MED4: variants seen among roughly 807,000 people sequenced by gnomAD.
MED4 encodes the protein mediator of RNA polymerase II transcription subunit 4.
MED4 carries 21 observed loss-of-function variants against 35.0 expected under a neutral mutation model. The observed-to-expected ratio is 0.60, with a 90% CI of 0.43 to 0.86. MED4 has a LOEUF of 0.86. Among genes scored for constraint, MED4 ranks in the 40% least tolerant of loss-of-function variants. MED4 has a pLI of 0.00. For synonymous variants in MED4, 138 were observed against 114.0 expected (o/e 1.21, Z -1.34); for missense variants, 300 against 319.4 (o/e 0.94, Z 0.46).
rs777478687 is a variant in MED4, at chr13:48,076,483, T to A, written c.*656A>T. 4 of 152,180 alleles carry A rather than the reference T, an allele frequency of 2.6e-5. No homozygotes were observed. Among genetic ancestry groups the A allele is most frequent in the Non-Finnish European group, 5.9e-5 (4 of 68,012 alleles). 9.4% of individuals were successfully genotyped at this position (152,180 alleles called of 1,614,324 possible). ...CCCTATTAATTGTAATAGGTTTCAA[T>A]TCAGTTAGTCACTCAAGTATTATAA... On this transcript the variant is annotated 3_prime_UTR_variant, in exon 7 of 7. Coordinates refer to ENST00000258648, the MANE Select transcript of MED4 (RefSeq NM_014166.4).
intron 4 of MED4, among the ~76,000 whole-genome samples, chr13:48,082,776 G>A (rs1051574618): frequency 1.8e-4 from 27 of 151,722 alleles, no homozygotes; most frequent in Admixed American, 1.5e-3. Flanking sequence ...GCAGTGCGCC[G>A]AGATCGCGCC....
At chr13:48,086,841 C>T (rs147212745) in intron 2 of MED4, among the ~76,000 whole-genome samples, 2 of 151,812 alleles carry the variant, frequency 1.3e-5, no homozygotes, top group East Asian at 1.9e-4. Context: ...CTTGAGGTCA[C>T]GAGTTCTAGA....
Position 48,077,152 on chromosome 13 carries a change from C to T in MED4, c.800G>A (p.Ser267Asn). ...IMSTDSSSSS[S>N]ESD ...TTTTAAGGTTTTTCAATCAGACTCA[C>T]TACTACTGCTTGAGGAGTCCGTTGA... The change falls in exon 7 of 7, where the codon AGT becomes AAT. Residue 267 changes from serine (S) to asparagine (N), a missense_variant. Ser to Asn is a conservative substitution (Grantham distance 46, BLOSUM62 1). Coordinates refer to ENST00000258648, the MANE Select transcript of MED4 (RefSeq NM_014166.4). 1 of 1,608,608 alleles carries T rather than the reference C, an allele frequency of 6.2e-7. No homozygotes were observed. Among genetic ancestry groups the T allele is most frequent in the Non-Finnish European group, 8.5e-7 (1 of 1,178,026 alleles).
chr13:48,086,290 G>A lies in MED4; in HGVS notation c.355C>T (p.Gln119Ter). 1.9e-6 allele frequency: 3 copies of A among 1,613,572 alleles called. No homozygotes were observed. Among genetic ancestry groups the A allele is most frequent in the Non-Finnish European group, 2.5e-6 (3 of 1,179,830 alleles). ...QLQKQLKEAE[Q>*]ILATAVYQAK... The stretch of plus-strand genomic sequence containing the variant: ...AACCTCTGTCAACTTACCAGTATTT[G>A]TTCTGCTTCCTTTAGCTGTTTTTGT... Residue 119 changes from glutamine (Q) to a stop codon, truncating the protein, a stop_gained, in exon 3 of 7, where the codon CAA (glutamine) becomes TAA (stop). Transcript: ENST00000258648. LOFTEE classifies it high-confidence loss of function.
intron 5 of MED4, among the ~76,000 whole-genome samples, chr13:48,081,291 T>G (rs917136337): frequency 6.6e-6 from 1 of 152,202 alleles, no homozygotes; most frequent in Non-Finnish European, 1.5e-5. Context: ...GGCTGGAACC[T>G]TTGTGGAAAT....
At chr13:48,092,949 C>G (rs2137843146) in intron 1 of MED4, among the ~76,000 whole-genome samples, 1 of 152,242 alleles carries the variant, frequency 6.6e-6, no homozygotes, top group South Asian at 2.1e-4. Context: ...GTAGAAGTCT[C>G]TAAGACTTAG....
In MED4 at chr13:48,086,279, T is replaced by TA; in HGVS notation, c.363+2dup. ...CCTTAAGAACCAACCTCTGTCAACT[T>TA]ACCAGTATTTGTTCTGCTTCCTTTA... On this transcript the variant is annotated splice_region_variant and intron_variant, in intron 3 of 6. Transcript: ENST00000258648. 2 of 1,612,708 alleles carry TA rather than the reference T, an allele frequency of 1.2e-6. No individual in the cohort carries two copies. The highest frequency in any genetic ancestry group is 1.7e-6 in the Non-Finnish European group (2 of 1,179,256).
At chr13:48,090,280 G>T in intron 2 of MED4, 72 bp downstream of exon 2, 1 of 1,180,640 alleles carries the variant, frequency 8.5e-7, no homozygotes, top group Non-Finnish European at 1.2e-6. Context: ...GAGGAAACTT[G>T]CAGAAATCAA....
At chr13:48,081,463 A>T (rs1356538234) in intron 5 of MED4, among the ~76,000 whole-genome samples, 182 bp downstream of exon 5, 1 of 152,254 alleles carries the variant, frequency 6.6e-6, no homozygotes, top group East Asian at 1.9e-4. Flanking sequence ...ATGGCTTCAC[A>T]GAAAACCAAA....
intron 1 of MED4, among the ~76,000 whole-genome samples, chr13:48,093,384 A>G (rs1950903468): frequency 6.6e-6 from 1 of 152,376 alleles, no homozygotes; most frequent in South Asian, 2.1e-4. Context: ...TAGAAAAAAA[A>G]AGATCCTAAG....
chr13:48,081,734 G>A lies in MED4; in HGVS notation c.422-3C>T, dbSNP rs202075467. On this transcript the variant is annotated splice_region_variant and splice_polypyrimidine_tract_variant and intron_variant, in intron 4 of 6. Coordinates refer to ENST00000258648, the MANE Select transcript of MED4 (RefSeq NM_014166.4). ...TATTTCTTCAGAGGAGATAGCACCT[G>A]AAAGAGTTTTAAGAGGACAGTATAA... The A allele has an allele frequency of 6.2e-7, 1 of 1,603,006 alleles. No individual in the cohort carries two copies. Among genetic ancestry groups the A allele is most frequent in the African/African-American group, 1.3e-5 (1 of 74,672 alleles).
At chr13:48,084,742 A>G (rs1950836974) in intron 3 of MED4, among the ~76,000 whole-genome samples, 1 of 151,910 alleles carries the variant, frequency 6.6e-6, no homozygotes, top group Non-Finnish European at 1.5e-5. Flanking sequence ...ACTAAAGACA[A>G]TTTTTTCCCT....
rs939662622 is a variant in MED4 at position 48,091,770 on chromosome 13, A to G, written c.126-1352T>C. Reference sequence around the variant, plus strand: ...TAAGAGAAGAAATAAACCTAGAGTGATAAGGGTTGGGAAGGAAATAAAGCA... The same window carrying G: ...TAAGAGAAGAAATAAACCTAGAGTGGTAAGGGTTGGGAAGGAAATAAAGCA... On this transcript the variant is annotated intron_variant, in intron 1 of 6. Coordinates refer to ENST00000258648, the MANE Select transcript of MED4 (RefSeq NM_014166.4). 7.9e-5 allele frequency among the ~76,000 whole-genome samples: 12 copies of G among 152,364 alleles called. 1 individual carries two copies. The highest frequency in any genetic ancestry group is 2.0e-4 in the Admixed American group (3 of 15,306).
chr13:48,091,819 G>A (rs765034280), intron 1 of MED4, among the ~76,000 whole-genome samples: 1 of 152,188 alleles, frequency 6.6e-6, no homozygotes, highest in African/African-American at 2.4e-5. Context: ...GACTACTGGG[G>A]GAGTGGGTTG....
At position 48,076,958 on chromosome 13, in the gene MED4, A is replaced by G. The variant is rs1239527599; in HGVS notation, c.*181T>C. ...ATCTACCTAGTGGCTTAAAACTAAA[A>G]CTATGGTCTTTGGCTTTAAAAAGAA... On this transcript the variant is annotated 3_prime_UTR_variant, in exon 7 of 7. Transcript: ENST00000258648. The G allele has an allele frequency of 1.6e-5, 8 of 503,754 alleles. No individual in the cohort carries two copies. Among genetic ancestry groups the G allele is most frequent in the Non-Finnish European group, 2.4e-5 (7 of 294,282 alleles). 31.2% of individuals were successfully genotyped at this position (503,754 alleles called of 1,614,324 possible). A position where few individuals can be genotyped will look rare whatever the true frequency, so the allele number is the denominator to read the frequency against.
Position 48,077,172 on chromosome 13 carries a change from C to T in MED4, c.780G>A (p.Thr260=), listed in dbSNP as rs1361419110. 3.7e-6 allele frequency: 6 copies of T among 1,609,270 alleles called. No homozygotes were observed. Among genetic ancestry groups the T allele is most frequent in the Admixed American group, 1.7e-5 (1 of 59,044 alleles). ...ENEDDVEIMS[T]DSSSSSSESD ...ACTCACTACTACTGCTTGAGGAGTCCGTTGACATAATCTCTACATCATCTT... is the reference window on the plus strand; with the variant it reads ...ACTCACTACTACTGCTTGAGGAGTCTGTTGACATAATCTCTACATCATCTT... Residue 260 remains threonine, a synonymous_variant, in exon 7 of 7, where the codon ACG becomes ACA. Transcript: ENST00000258648.
At chr13:48,080,364 T>C (rs1170045965) in intron 5 of MED4, among the ~76,000 whole-genome samples, 1 of 120,560 alleles carries the variant, frequency 8.3e-6, no homozygotes, top group Non-Finnish European at 1.6e-5. Context: ...ACCACTGCAC[T>C]CCAGCCTGGG....
chr13:48,092,644 A>T (rs1410818681), intron 1 of MED4, among the ~76,000 whole-genome samples: 1 of 152,256 alleles, frequency 6.6e-6, no homozygotes, highest in Non-Finnish European at 1.5e-5. Context: ...AGAAACATGG[A>T]CAGATTTCAG....
chr13:48,079,249 C>T (rs1950786146), intron 6 of MED4, among the ~76,000 whole-genome samples: 1 of 152,162 alleles, frequency 6.6e-6, no homozygotes, highest in East Asian at 1.9e-4. Flanking sequence ...AACTATCTTA[C>T]TCTATTTACA....
Sources: gnomAD v4.1 joint callset for allele counts (sites outside exome capture counted in the v4.1 genomes callset) on GRCh38, gnomAD v4.1.1 for gene constraint, MANE v1.5 for transcripts, NCBI Gene and HGNC (gene_info 2026-07-23, HGNC 2026-07-21) for gene names.